The following NUDT9 variants were observed in gnomAD, a reference collection of about 807,000 sequenced individuals.
NUDT9 encodes nudix hydrolase 9, also known as ADP-ribose pyrophosphatase.
Under a neutral mutation model 41.0 loss-of-function variants are expected in NUDT9, and 31 were observed. The observed-to-expected ratio is 0.76, with a 90% confidence interval of 0.57 to 1.02. The LOEUF is 1.02. Ranked by LOEUF, NUDT9 falls within the 50% of genes least tolerant of loss-of-function variation. NUDT9 has a pLI of 0.00. For synonymous variants in NUDT9, 146 were observed against 147.6 expected (o/e 0.99, Z 0.08); for missense variants, 380 against 431.4 (o/e 0.88, Z 1.06).
At chr4:87,445,519 A>C (rs904299008) in intron 4 of NUDT9, 1 of 152,168 alleles carries the variant, frequency 6.6e-6, no homozygotes, top group Non-Finnish European at 1.5e-5. Context: ...TACAATTATC[A>C]AAAGTTTCTT....
At chr4:87,427,298 C>G (rs532868559) in intron 1 of NUDT9, among the ~76,000 whole-genome samples, 1 of 152,118 alleles carries the variant, frequency 6.6e-6, no homozygotes, top group South Asian at 2.1e-4. Context: ...GTCAGTATTG[C>G]ATTTTTAAAA....
intron 7 of NUDT9, among the ~76,000 whole-genome samples, chr4:87,457,249 T>G (rs1264949985): frequency 6.7e-6 from 1 of 149,402 alleles, no homozygotes; most frequent in Non-Finnish European, 1.5e-5. Context: ...TTTTTTTTTT[T>G]TTTTTGAGGT....
At chr4:87,446,233 CCTT>C (rs1030100721) in intron 4 of NUDT9, among the ~76,000 whole-genome samples, 1 of 146,710 alleles carries the variant, frequency 6.8e-6, no homozygotes, top group Non-Finnish European at 1.5e-5. Context: ...CCACCATTTG[CCTT>C]CTTATCTTTC....
At position 87,458,148 on chromosome 4, in the gene NUDT9, T is replaced by A; in HGVS notation, c.*127T>A. On this transcript the variant is annotated 3_prime_UTR_variant, in exon 8 of 8. Coordinates refer to ENST00000302174, the MANE Select transcript of NUDT9 (RefSeq NM_024047.5). ...TGGCCTATTTACTTTCAAAACAATT[T>A]GCATTTAGAGTGTTTCGCATCAGAA... 1 of 776,092 alleles carries A rather than the reference T, an allele frequency of 1.3e-6. No individual in the cohort carries two copies. The allele number at this position is 776,092 out of a possible 1,614,324, so 48.1% of individuals were successfully genotyped here.
At position 87,424,254 on chromosome 4, in the gene NUDT9, G is replaced by T. The variant is rs61153346; in HGVS notation, c.107+1242G>T. On this transcript the variant is annotated intron_variant, in intron 1 of 7. Coordinates refer to ENST00000302174, the MANE Select transcript of NUDT9 (RefSeq NM_024047.5). ...TAGGAATAGCATTTCTCCCTAATGCGTTTTTTTTTTTTTTTTTTTTTTTGA... is the reference window on the plus strand; with the variant it reads ...TAGGAATAGCATTTCTCCCTAATGCTTTTTTTTTTTTTTTTTTTTTTTTGA... 3.4e-3 allele frequency among the ~76,000 whole-genome samples: 339 copies of T among 99,176 alleles called. 6 individuals carry two copies. Among genetic ancestry groups the T allele is most frequent in the African/African-American group, 0.014 (322 of 23,472 alleles). The allele number at this position is 99,176 out of a possible 152,430, so 65.1% of individuals were successfully genotyped here.
chr4:87,423,845 G>C (rs989578014), intron 1 of NUDT9, among the ~76,000 whole-genome samples: 2 of 152,186 alleles, frequency 1.3e-5, no homozygotes, highest in African/African-American at 2.4e-5. Context: ...GCCTAGATAG[G>C]AAGGTTTCAG....
chr4:87,438,491 A>T (rs891226528), intron 3 of NUDT9, 119 bp downstream of exon 3: 3 of 543,166 alleles, frequency 5.5e-6, no homozygotes, highest in Admixed American at 5.7e-5. Context: ...TACATATGTG[A>T]TGTAATTAAA....
chr4:87,443,260 C>T (rs192948816), intron 4 of NUDT9, among the ~76,000 whole-genome samples: 24 of 152,140 alleles, frequency 1.6e-4, no homozygotes, highest in African/African-American at 5.1e-4. Context: ...CACACACACA[C>T]ATGCCTGCAC....
At chr4:87,431,810 C>T (rs1263521779) in intron 1 of NUDT9, among the ~76,000 whole-genome samples, 9 of 152,190 alleles carry the variant, frequency 5.9e-5, no homozygotes, top group Non-Finnish European at 8.8e-5. Context: ...CTCAGCTTCT[C>T]GAGTAGCTGG....
intron 1 of NUDT9, among the ~76,000 whole-genome samples, chr4:87,423,733 G>T (rs1560784486): frequency 6.6e-6 from 1 of 152,166 alleles, no homozygotes; most frequent in East Asian, 1.9e-4. Flanking sequence ...TCTCGAACAT[G>T]TGATGGGCAC....
At chr4:87,429,687 CGT>C (rs1159601090) in intron 1 of NUDT9, among the ~76,000 whole-genome samples, 9 of 147,078 alleles carry the variant, frequency 6.1e-5, no homozygotes, top group East Asian at 2.1e-4. Context: ...TCTCTCTCCC[CGT>C]TTCCCCCCCA....
At chr4:87,435,528 A>G (rs574931881) in intron 2 of NUDT9, among the ~76,000 whole-genome samples, 2 of 152,322 alleles carry the variant, frequency 1.3e-5, no homozygotes, top group South Asian at 4.1e-4. Flanking sequence ...ATAACAGCTG[A>G]TGGTATTTGT....
chr4:87,455,456 T>C (rs1722943609), intron 7 of NUDT9, among the ~76,000 whole-genome samples: 1 of 152,224 alleles, frequency 6.6e-6, no homozygotes, highest in South Asian at 2.1e-4. Flanking sequence ...AAACAATGAC[T>C]GATCCTCCAG....
Position 87,423,029 on chromosome 4 carries a change from C to T in NUDT9, c.107+17C>T. 2 of 1,596,236 alleles carry T rather than the reference C, an allele frequency of 1.3e-6. No homozygotes were observed. The highest frequency in any genetic ancestry group is 1.7e-4 in the Middle Eastern group (1 of 6,032). On this transcript the variant is annotated intron_variant, in intron 1 of 7. Transcript: ENST00000302174. Reference sequence around the variant, plus strand: ...GGCGTTCAGGTATTCCACCCTCCTACTACCGGCTCCTTTGCCCTAGACCTT... The same window carrying T: ...GGCGTTCAGGTATTCCACCCTCCTATTACCGGCTCCTTTGCCCTAGACCTT...
In NUDT9 at chr4:87,458,264, AGCATG is replaced by A; in HGVS notation, c.*246_*250del. On this transcript the variant is annotated 3_prime_UTR_variant, in exon 8 of 8. Coordinates refer to ENST00000302174, the MANE Select transcript of NUDT9 (RefSeq NM_024047.5). ...TCATATTTTGTATGTATTCGATTTA[AGCATG>A]GCTTAAATTAAATTTAAACAACTAA... is the stretch of plus-strand genomic sequence containing the variant. The A allele has an allele frequency of 3.0e-6, 1 of 331,458 alleles. No homozygotes were observed. The allele number at this position is 331,458 out of a possible 1,614,324, so 20.5% of individuals were successfully genotyped here.
chr4:87,446,485 G>A (rs1272656679), intron 4 of NUDT9, among the ~76,000 whole-genome samples: 3 of 151,880 alleles, frequency 2.0e-5, no homozygotes, highest in Admixed American at 6.6e-5. Context: ...TGCCTGCCTC[G>A]GCCTCTCAAA....
intron 3 of NUDT9, among the ~76,000 whole-genome samples, chr4:87,440,377 C>T (rs1239588453): frequency 6.6e-6 from 1 of 152,158 alleles, no homozygotes; most frequent in Non-Finnish European, 1.5e-5. Flanking sequence ...ATATTTTTGG[C>T]TTATTACTCT....
chr4:87,451,860 T>G (rs1041360230), intron 6 of NUDT9, 125 bp downstream of exon 6: 8 of 782,920 alleles, frequency 1.0e-5, no homozygotes, highest in Admixed American at 5.3e-5. Flanking sequence ...TTAAAATATA[T>G]TCACAAAAAC....
intron 1 of NUDT9, among the ~76,000 whole-genome samples, chr4:87,429,473 A>G (rs562548089): frequency 3.3e-5 from 5 of 152,154 alleles, no homozygotes; most frequent in African/African-American, 1.2e-4. Context: ...CTTTTTATAT[A>G]TATATAATTA....
Sources: gnomAD v4.1 joint callset for allele counts (sites outside exome capture counted in the v4.1 genomes callset) on GRCh38, gnomAD v4.1.1 for gene constraint, MANE v1.5 for transcripts, NCBI Gene and HGNC (gene_info 2026-07-23, HGNC 2026-07-21) for gene names.